Variants in RASIP1 observed in about 807,000 individuals in gnomAD.
The protein encoded by RASIP1 is Ras interacting protein 1, also known as ras-interacting protein 1.
A neutral mutation model predicts 85.3 loss-of-function variants in RASIP1; 20 were observed. The observed-to-expected ratio is 0.23, with a 90% CI of 0.17 to 0.34. The LOEUF is 0.34. RASIP1 is among the 10% of genes least tolerant of loss of function. The probability of loss-of-function intolerance (pLI) is 1.00; values close to 1 mark genes in which losing one functional copy is unlikely to be tolerated. For missense variants in RASIP1, 1,170 were observed against 1,390.9 expected (o/e 0.84, Z 2.53); for synonymous variants, 617 against 647.1 (o/e 0.95, Z 0.71).
intron 3 of RASIP1, chr19:48,737,403 C>T (rs1441405489): frequency 9.5e-6 from 9 of 947,204 alleles, no homozygotes; most frequent in South Asian, 4.9e-5. Context: ...CGCCAGGCCC[C>T]ACCCCTGCCA....
chr19:48,737,657 A>C, intron 3 of RASIP1: 1 of 983,858 alleles, frequency 1.0e-6, no homozygotes, highest in Non-Finnish European at 1.2e-6. Context: ...CCCCTTCTAT[A>C]CTCCACCCAC....
Position 48,720,634 on chromosome 19 carries a change from C to G in RASIP1, c.*164G>C. 1.4e-6 allele frequency: 1 copy of G among 739,026 alleles called. No individual in the cohort carries two copies. Among genetic ancestry groups the G allele is most frequent in the Admixed American group, 2.3e-5 (1 of 43,260 alleles). The allele number at this position is 739,026 out of a possible 1,614,324, so 45.8% of individuals were successfully genotyped here. ...TGCTCCCTGGCATTCACATCCTAAG[C>G]CCATGCTCCCACCGTCCCATCCGCT... On this transcript the variant is annotated 3_prime_UTR_variant, in exon 12 of 12. Coordinates refer to ENST00000222145, the MANE Select transcript of RASIP1 (RefSeq NM_017805.3).
chr19:48,727,531 G>A, intron 5 of RASIP1, 101 bp from the exon 6 acceptor site: 1 of 1,279,544 alleles, frequency 7.8e-7, no homozygotes, highest in Admixed American at 2.0e-5. Context: ...CATAGAGACT[G>A]GTCCTACTTT....
In RASIP1 at chr19:48,739,411, C is replaced by T. The variant is rs1315054923; in HGVS notation, c.372G>A (p.Leu124=). ...GGGCCACGCCCGCCGCCAGCTCCGG[C>T]AGCTTCTTCTCGCTGGCCCAGCGCT... ...GAQRWASEKK[L]PELAAGVAPE... is the part of the protein sequence containing the mutation. Residue 124 remains leucine, a synonymous_variant, in exon 3 of 12, where the codon CTG becomes CTA. Transcript: ENST00000222145. The surrounding 1 kb of genome is among the most constrained non-coding windows in gnomAD (Gnocchi z 9.2). 2.9e-6 allele frequency: 4 copies of T among 1,378,556 alleles called. No homozygotes were observed. The highest frequency in any genetic ancestry group is 3.7e-6 in the Non-Finnish European group (4 of 1,070,894). The allele number at this position is 1,378,556 out of a possible 1,614,324, so 85.4% of individuals were successfully genotyped here.
At chr19:48,733,521 G>GCTGGC (rs1305906141) in intron 4 of RASIP1, among the ~76,000 whole-genome samples, 1 of 152,130 alleles carries the variant, frequency 6.6e-6, no homozygotes, top group African/African-American at 2.4e-5. Context: ...ATGGGTCAGT[G>GCTGGC]CTGGCCGGGA....
At chr19:48,727,301 T>G (rs1228223714) in intron 6 of RASIP1, 92 bp downstream of exon 6, 4 of 1,548,840 alleles carry the variant, frequency 2.6e-6, no homozygotes, top group Non-Finnish European at 3.5e-6. Flanking sequence ...AGCAGAAACT[T>G]GCACTGGGGC....
rs147909966 is a variant in RASIP1, at chr19:48,738,237, G to A, written c.823+723C>T. 0.03 allele frequency among the ~76,000 whole-genome samples: 4,558 copies of A among 152,228 alleles called. 212 individuals are homozygous for A. The highest frequency in any genetic ancestry group is 0.099 in the African/African-American group (4,105 of 41,516). ...TGGGATTACAGGCGTGAGCCACCAC[G>A]CCCGGCCAGGACTAGTTCTTTAATT... is the stretch of plus-strand genomic sequence containing the variant. On this transcript the variant is annotated intron_variant, in intron 3 of 11. Coordinates refer to ENST00000222145, the MANE Select transcript of RASIP1 (RefSeq NM_017805.3). This position sits in a 1 kb window ranked among gnomAD's most constrained non-coding sequence, Gnocchi z 4.0.
rs1292819704 is a variant in RASIP1 at position 48,735,466 on chromosome 19, C to G, written c.909G>C (p.Gly303=). ...ACCCAGCTGGGGCCCCTGATCCGGT[C>G]CCCGGGCCAGGACTGGCCAGCGCTG... ...GGAALASPGP[G]TGSGAPAGSG... The change falls in exon 4 of 12, where the codon GGG becomes GGC. Residue 303 remains glycine, a synonymous_variant. Transcript: ENST00000222145. The G allele has an allele frequency of 6.3e-7, 1 of 1,582,848 alleles. No individual in the cohort carries two copies. Among genetic ancestry groups the G allele is most frequent in the Admixed American group, 1.8e-5 (1 of 55,434 alleles).
chr19:48,738,359 C>A lies in RASIP1; in HGVS notation c.823+601G>T, dbSNP rs1452864743. ...CAAGAGACCACATCAAAGGAGAGTA[C>A]AGTTTAAGCCATTAAGCTGCAGGAT... On this transcript the variant is annotated intron_variant, in intron 3 of 11. Coordinates refer to ENST00000222145, the MANE Select transcript of RASIP1 (RefSeq NM_017805.3). The surrounding 1 kb of genome is among the most constrained non-coding windows in gnomAD (Gnocchi z 4.0). 1 of 152,248 alleles carries A rather than the reference C, an allele frequency of 6.6e-6. No homozygotes were observed. Among genetic ancestry groups the A allele is most frequent in the Admixed American group, 6.5e-5 (1 of 15,282 alleles). 9.4% of individuals were successfully genotyped at this position (152,248 alleles called of 1,614,324 possible). A position where few individuals can be genotyped will look rare whatever the true frequency, so the allele number is the denominator to read the frequency against.
chr19:48,728,813 C>T (rs2033389919), intron 5 of RASIP1, 124 bp downstream of exon 5: 1 of 1,086,326 alleles, frequency 9.2e-7, no homozygotes, highest in South Asian at 2.3e-5. Flanking sequence ...CCAAATCCTT[C>T]CCGAGGCGTC....
chr19:48,722,021 A>G lies in RASIP1; in HGVS notation c.2545-20T>C, dbSNP rs1243904548. The G allele has an allele frequency of 2.1e-6, 3 of 1,400,916 alleles. No homozygotes were observed. Among genetic ancestry groups the G allele is most frequent in the African/African-American group, 3.0e-5 (2 of 67,266 alleles). 86.8% of individuals were successfully genotyped at this position (1,400,916 alleles called of 1,614,324 possible). A position where few individuals can be genotyped will look rare whatever the true frequency, so the allele number is the denominator to read the frequency against. On this transcript the variant is annotated intron_variant, in intron 10 of 11. Transcript: ENST00000222145. ...TGAAGCCTGGTGGGAAGACCAGGTG[A>G]GAGGTTGATGGTCATTACGGGGCAG...
intron 4 of RASIP1, 94 bp downstream of exon 4, chr19:48,735,102 C>CT: frequency 8.4e-7 from 1 of 1,192,322 alleles, no homozygotes; most frequent in Non-Finnish European, 1.2e-6. Context: ...GAGGCTAGCG[C>CT]GCCCCGGGCC....
Position 48,720,885 on chromosome 19 carries a change from A to G in RASIP1, c.2805T>C (p.Arg935=), listed in dbSNP as rs201745517. The G allele has an allele frequency of 2.5e-6, 4 of 1,614,020 alleles. No homozygotes were observed. Among genetic ancestry groups the G allele is most frequent in the Middle Eastern group, 3.3e-4 (2 of 6,062 alleles). The change falls in exon 12 of 12, where the codon CGT becomes CGC. Residue 935 remains arginine (R), a synonymous_variant. Transcript: ENST00000222145. The part of the protein sequence containing the change: ...VTDDALHREL[R]RLRRLLWDLE... Reference sequence around the variant, plus strand: ...GATCCCAGAGGAGGCGGCGGAGCCTACGGAGTTCACGGTGCAAGGCATCGT... The same window carrying G: ...GATCCCAGAGGAGGCGGCGGAGCCTGCGGAGTTCACGGTGCAAGGCATCGT...
rs1284725154 is a variant in RASIP1 at position 48,739,812 on chromosome 19, AAGAG to A, written c.138-171_138-168del. 6.6e-6 allele frequency among the ~76,000 whole-genome samples: 1 copy of A among 152,038 alleles called. No homozygotes were observed. Among genetic ancestry groups the A allele is most frequent in the Non-Finnish European group, 1.5e-5 (1 of 67,980 alleles). ...TGAGGGTGGGGACAGACGCGAGGCA[AAGAG>A]AGAGAGAAAAAATAAATAAATAAAG... On this transcript the variant is annotated intron_variant, in intron 2 of 11. Transcript: ENST00000222145. This position sits in a 1 kb window ranked among gnomAD's most constrained non-coding sequence, Gnocchi z 9.2.
At chr19:48,736,881 C>CA (rs1479595327) in intron 3 of RASIP1, among the ~76,000 whole-genome samples, 6 of 152,050 alleles carry the variant, frequency 3.9e-5, no homozygotes, top group Non-Finnish European at 8.8e-5. Flanking sequence ...ACTCAAAATA[C>CA]AAAAAATCAG....
rs1424463380 is a variant in RASIP1 at position 48,720,908 on chromosome 19, C to T, written c.2782G>A (p.Asp928Asn). Residue 928 changes from aspartate to asparagine, a missense_variant, in exon 12 of 12, where the codon GAT (aspartate) becomes AAT (asparagine). Physicochemically the swap from Asp to Asn is conservative, Grantham distance 23. Coordinates refer to ENST00000222145, the MANE Select transcript of RASIP1 (RefSeq NM_017805.3). The part of the protein sequence containing the change: ...RLRLTGPVTD[D>N]ALHRELRRLR... Reference sequence around the variant, plus strand: ...CTACGGAGTTCACGGTGCAAGGCATCGTCCGTCACTGGACCAGTGAGGCGC... The same window carrying T: ...CTACGGAGTTCACGGTGCAAGGCATTGTCCGTCACTGGACCAGTGAGGCGC... 17 of 1,613,740 alleles carry T rather than the reference C, an allele frequency of 1.1e-5. No individual in the cohort carries two copies. In the African/African-American group the frequency reaches 1.6e-4, roughly 15 times the overall value.
At chr19:48,723,291 G>A (rs1482381328) in intron 10 of RASIP1, among the ~76,000 whole-genome samples, 1 of 152,190 alleles carries the variant, frequency 6.6e-6, no homozygotes, top group African/African-American at 2.4e-5. Context: ...CGGCCATGGT[G>A]GCTCACGCCT....
At chr19:48,726,656 T>C in intron 8 of RASIP1, 129 bp downstream of exon 8, 2 of 743,696 alleles carry the variant, frequency 2.7e-6, no homozygotes, top group Non-Finnish European at 2.1e-6. Context: ...AAATCTTGAG[T>C]CAAATAGTGA....
intron 4 of RASIP1, among the ~76,000 whole-genome samples, chr19:48,730,100 T>A (rs1339922309): frequency 6.6e-6 from 1 of 151,988 alleles, no homozygotes; most frequent in Non-Finnish European, 1.5e-5. Context: ...AGTGGACTCT[T>A]CCCAGGCACT....
Sources: allele counts gnomAD v4.1 joint callset (sites outside exome capture counted in the v4.1 genomes callset), GRCh38; gene constraint gnomAD v4.1.1; non-coding constraint Gnocchi (gnomAD v3.1); transcripts MANE v1.5; gene names NCBI Gene and HGNC (gene_info 2026-07-23, HGNC 2026-07-21).